Variants in LRMDA observed in about 807,000 individuals in gnomAD.
The protein encoded by LRMDA is leucine rich melanocyte differentiation associated, also known as leucine-rich melanocyte differentiation-associated protein.
LRMDA carries 18 observed loss-of-function variants against 29.8 expected under a neutral mutation model. The observed-to-expected ratio is 0.60, with a 90% CI of 0.42 to 0.90. The LOEUF (loss-of-function observed/expected upper bound fraction) is 0.90, where lower values mean the gene tolerates loss of function less well. Among genes scored for constraint, LRMDA ranks in the 40% least tolerant of loss-of-function variants. The pLI is 0.00. For missense variants in LRMDA, 273 were observed against 273.9 expected, an observed-to-expected ratio of 1.00 and a Z score of 0.02; for synonymous variants, 125 against 109.4, an observed-to-expected ratio of 1.14 and a Z score of -0.89.
chr10:75,460,711 C>CTT, intron 2 of LRMDA, among the ~76,000 whole-genome samples: 1 of 151,844 alleles, frequency 6.6e-6, no homozygotes, highest in East Asian at 1.9e-4. Flanking sequence ...TATAAAAGGT[C>CTT]TTGACTTCTG....
intron 5 of LRMDA, among the ~76,000 whole-genome samples, chr10:76,297,088 G>A (rs1840419950): frequency 6.6e-6 from 1 of 152,218 alleles, no homozygotes; most frequent in South Asian, 2.1e-4. Flanking sequence ...CCTGTGAAAT[G>A]TCTTAAATGA....
chr10:75,922,496 C>T (rs939823819), intron 2 of LRMDA, among the ~76,000 whole-genome samples: 3 of 152,168 alleles, frequency 2.0e-5, no homozygotes, highest in Admixed American at 6.5e-5. Context: ...TGGAGGTTGC[C>T]TTCTGCCATC....
intron 5 of LRMDA, among the ~76,000 whole-genome samples, chr10:76,302,815 G>C (rs1464841093): frequency 6.6e-6 from 1 of 152,178 alleles, no homozygotes; most frequent in Non-Finnish European, 1.5e-5. Context: ...ATTTCTGCAA[G>C]TCCTAAGTAG....
intron 2 of LRMDA, among the ~76,000 whole-genome samples, chr10:76,022,278 A>G (rs11001589): frequency 6.6e-6 from 1 of 151,968 alleles, no homozygotes; most frequent in Non-Finnish European, 1.5e-5. Context: ...AAAGTTAGTC[A>G]AAAGATGGAG....
chr10:75,781,970 G>T (rs1231639438), intron 2 of LRMDA, among the ~76,000 whole-genome samples: 1 of 152,180 alleles, frequency 6.6e-6, no homozygotes, highest in African/African-American at 2.4e-5. Context: ...CTGTGTCTTG[G>T]CTATCTCCTG....
intron 2 of LRMDA, among the ~76,000 whole-genome samples, chr10:75,617,568 T>C (rs1308134502): frequency 6.6e-6 from 1 of 152,206 alleles, no homozygotes; most frequent in African/African-American, 2.4e-5. Context: ...CCAAGTAATC[T>C]TTTTAGTTTG....
intron 2 of LRMDA, among the ~76,000 whole-genome samples, chr10:75,446,019 A>C (rs1398373692): frequency 6.6e-6 from 1 of 152,218 alleles, no homozygotes; most frequent in Non-Finnish European, 1.5e-5. Flanking sequence ...TCAGAAAAGA[A>C]ACAGTGGCCT....
intron 2 of LRMDA, among the ~76,000 whole-genome samples, chr10:75,682,270 A>G (rs1156685748): frequency 6.6e-6 from 1 of 152,236 alleles, no homozygotes; most frequent in African/African-American, 2.4e-5. Flanking sequence ...TCTGGCACAC[A>G]GTAGACCCTC....
chr10:75,783,044 A>G, intron 2 of LRMDA: 1 of 1,613,890 alleles, frequency 6.2e-7, no homozygotes, highest in Non-Finnish European at 8.5e-7. Flanking sequence ...AGGACCCTTA[A>G]TCAAAGAGTC....
chr10:75,604,155 T>A (rs1184374523), intron 2 of LRMDA, among the ~76,000 whole-genome samples: 1 of 152,148 alleles, frequency 6.6e-6, no homozygotes, highest in Non-Finnish European at 1.5e-5. Context: ...TTTTTTTTGT[T>A]TGCAATTTGG....
chr10:76,400,277 C>T (rs1841834758), intron 6 of LRMDA, among the ~76,000 whole-genome samples: 1 of 152,164 alleles, frequency 6.6e-6, no homozygotes, highest in Non-Finnish European at 1.5e-5. Context: ...GAAGCTTCCC[C>T]AGTTAAGCCT....
chr10:76,014,148 A>ATATATATATATAAAAT (rs1847843004), intron 2 of LRMDA, among the ~76,000 whole-genome samples: 1 of 140,360 alleles, frequency 7.1e-6, no homozygotes, highest in African/African-American at 2.6e-5. Flanking sequence ...ATATATAATT[A>ATATATATATATAAAAT]TATATATATA....
At chr10:76,387,730 A>G (rs1841677450) in intron 6 of LRMDA, among the ~76,000 whole-genome samples, 2 of 152,240 alleles carry the variant, frequency 1.3e-5, no homozygotes, top group Non-Finnish European at 2.9e-5. Context: ...GGAATAAAGA[A>G]TGGTTATTCC....
intron 5 of LRMDA, among the ~76,000 whole-genome samples, chr10:76,321,305 A>T (rs1840767742): frequency 6.6e-6 from 1 of 152,222 alleles, no homozygotes; most frequent in South Asian, 2.1e-4. Flanking sequence ...AAGGAATGAG[A>T]AGACAACAGT....
At chr10:76,052,260 C>T (rs1338207337) in intron 4 of LRMDA, among the ~76,000 whole-genome samples, 18 of 152,160 alleles carry the variant, frequency 1.2e-4, no homozygotes, top group Admixed American at 7.2e-4. Flanking sequence ...ATTTTAAAAA[C>T]GAAACAAAAC....
At chr10:76,368,274 T>C (rs1300075087) in intron 6 of LRMDA, among the ~76,000 whole-genome samples, 2 of 152,222 alleles carry the variant, frequency 1.3e-5, no homozygotes, top group Non-Finnish European at 2.9e-5. Flanking sequence ...CTTTGCTGTA[T>C]CCCAGAGGTT....
At chr10:76,250,198 A>C (rs1420411214) in intron 5 of LRMDA, among the ~76,000 whole-genome samples, 1 of 152,162 alleles carries the variant, frequency 6.6e-6, no homozygotes, top group Non-Finnish European at 1.5e-5. Context: ...GGGGAGAGGG[A>C]AGGTGCACTG....
intron 2 of LRMDA, among the ~76,000 whole-genome samples, chr10:75,730,858 A>G (rs946386347): frequency 1.7e-4 from 26 of 152,280 alleles, no homozygotes; most frequent in Middle Eastern, 3.4e-3. Context: ...ATATATAGGA[A>G]ACTTGAGAAG....
intron 6 of LRMDA, among the ~76,000 whole-genome samples, chr10:76,462,146 C>A (rs1350332847): frequency 6.7e-6 from 1 of 149,272 alleles, no homozygotes; most frequent in Non-Finnish European, 1.5e-5. Context: ...ACCAAAAAAA[C>A]CAGAATGTGA....
Sources: allele counts gnomAD v4.1 joint callset (sites outside exome capture counted in the v4.1 genomes callset), GRCh38; gene constraint gnomAD v4.1.1; transcripts MANE v1.5; gene names NCBI Gene and HGNC (gene_info 2026-07-23, HGNC 2026-07-21).